NUDT4: variants seen among roughly 807,000 people sequenced by gnomAD.
NUDT4 encodes the protein diphosphoinositol polyphosphate phosphohydrolase 2.
A neutral mutation model predicts 23.1 loss-of-function variants in NUDT4; 5 were observed. The observed-to-expected ratio is 0.22, with a 90% CI of 0.11 to 0.46. The LOEUF (loss-of-function observed/expected upper bound fraction) is 0.46. Ranked by LOEUF, NUDT4 falls within the 20% of genes least tolerant of loss-of-function variation. The pLI is 0.99. For missense variants in NUDT4, 96 were observed against 211.6 expected (o/e 0.45, Z 3.39); for synonymous variants, 50 against 79.0 (o/e 0.63, Z 1.95).
At position 93,404,556 on chromosome 12, in the gene NUDT4, A is replaced by G. The variant is rs1877697505; in HGVS notation, c.*5177A>G. On this transcript the variant is annotated 3_prime_UTR_variant, in exon 5 of 5. Transcript: ENST00000415493. Reference sequence around the variant, plus strand: ...TGTAGGATTTATGAAACTGGTACCAATTTAATATTCAAATGTGATTAAGTC... The same window carrying G: ...TGTAGGATTTATGAAACTGGTACCAGTTTAATATTCAAATGTGATTAAGTC... 6.6e-6 allele frequency: 1 copy of G among 152,226 alleles called. No homozygotes were observed. The highest frequency in any genetic ancestry group is 2.1e-4 in the South Asian group (1 of 4,832). 9.4% of individuals were successfully genotyped at this position (152,226 alleles called of 1,614,324 possible).
intron 1 of NUDT4, among the ~76,000 whole-genome samples, chr12:93,391,650 T>C (rs1011638699): frequency 6.6e-6 from 1 of 151,626 alleles, no homozygotes; most frequent in African/African-American, 2.4e-5. Flanking sequence ...AGTGAGAGGA[T>C]CACTTGAGCC....
intron 3 of NUDT4, among the ~76,000 whole-genome samples, chr12:93,397,495 C>G (rs1877013708): frequency 6.6e-6 from 1 of 150,790 alleles, no homozygotes; most frequent in African/African-American, 2.4e-5. Flanking sequence ...AATTTTTAAC[C>G]CAGAAACAAG....
In NUDT4 at chr12:93,388,364, A is replaced by G. The variant is rs532669263; in HGVS notation, c.100-6245A>G. Among the ~76,000 whole-genome samples the G allele has an allele frequency of 4.6e-5, 7 of 152,320 alleles. No individual in the cohort carries two copies. In the East Asian group the frequency reaches 9.6e-4, roughly 21 times the overall value. On this transcript the variant is annotated intron_variant, in intron 1 of 4. Transcript: ENST00000415493. ...GAGCATTCTATGTGACTGTATTCCA[A>G]CCCCACCTCCAAGAATATAAGCTCT...
intron 1 of NUDT4, among the ~76,000 whole-genome samples, chr12:93,388,726 ATAAC>A (rs1490918026): frequency 6.6e-6 from 1 of 152,256 alleles, no homozygotes; most frequent in African/African-American, 2.4e-5. Flanking sequence ...AAGTGGATAA[ATAAC>A]TAACAGTTAC....
intron 1 of NUDT4, 200 bp downstream of exon 1, chr12:93,378,621 G>A: frequency 1.6e-6 from 2 of 1,224,540 alleles, no homozygotes; most frequent in South Asian, 3.3e-5. Context: ...AGACAAAGGG[G>A]GCTCGCCCAG....
chr12:93,378,832 T>G, intron 1 of NUDT4: 1 of 978,438 alleles, frequency 1.0e-6, no homozygotes, highest in Non-Finnish European at 1.2e-6. Context: ...TTTACATATT[T>G]TCCTTCCATG....
At chr12:93,388,929 G>T (rs118143122) in intron 1 of NUDT4, among the ~76,000 whole-genome samples, 15 of 152,296 alleles carry the variant, frequency 9.8e-5, no homozygotes, top group Non-Finnish European at 1.5e-4. Context: ...AGCATGAAAG[G>T]TTCAAAAGTA....
chr12:93,390,235 G>C (rs986255358), intron 1 of NUDT4, among the ~76,000 whole-genome samples: 1 of 152,152 alleles, frequency 6.6e-6, no homozygotes, highest in African/African-American at 2.4e-5. Flanking sequence ...TTTCATCTAG[G>C]CAATAGAAAC....
At chr12:93,393,728 A>G (rs1481597926) in intron 1 of NUDT4, among the ~76,000 whole-genome samples, 1 of 152,184 alleles carries the variant, frequency 6.6e-6, no homozygotes, top group Non-Finnish European at 1.5e-5. Context: ...AGAAGAATGA[A>G]GTGACTTTTG....
chr12:93,381,144 G>A (rs1290861509), intron 1 of NUDT4: 1 of 152,170 alleles, frequency 6.6e-6, no homozygotes, highest in Non-Finnish European at 1.5e-5. Context: ...ATCTTTTTCT[G>A]TTCTGTAGGG....
rs1344545955 is a variant in NUDT4, at chr12:93,406,423, T to C, written c.*7044T>C. The C allele has an allele frequency of 6.6e-6, 1 of 152,022 alleles. No individual in the cohort carries two copies. The highest frequency in any genetic ancestry group is 2.1e-4 in the South Asian group (1 of 4,820). The allele number at this position is 152,022 out of a possible 1,614,324, so 9.4% of individuals were successfully genotyped here. A position where few individuals can be genotyped will look rare whatever the true frequency, so the allele number is the denominator to read the frequency against. ...CTTTTAGGACAGATTTCCTTCCCCATTCTCCATCAAACAACCATAGCACCT... is the reference window on the plus strand; with the variant it reads ...CTTTTAGGACAGATTTCCTTCCCCACTCTCCATCAAACAACCATAGCACCT... On this transcript the variant is annotated 3_prime_UTR_variant, in exon 5 of 5. Transcript: ENST00000415493.
At chr12:93,389,584 C>T (rs1678426541) in intron 1 of NUDT4, among the ~76,000 whole-genome samples, 1 of 152,018 alleles carries the variant, frequency 6.6e-6, no homozygotes, top group Non-Finnish European at 1.5e-5. Flanking sequence ...ATGCTGATGT[C>T]TTGTAGATGC....
chr12:93,406,600 A>G lies in NUDT4; in HGVS notation c.*7221A>G, dbSNP rs1026867808. 2.6e-5 allele frequency: 4 copies of G among 152,258 alleles called. No homozygotes were observed. The highest frequency in any genetic ancestry group is 9.7e-5 in the African/African-American group (4 of 41,442). 9.4% of individuals were successfully genotyped at this position (152,258 alleles called of 1,614,324 possible). On this transcript the variant is annotated 3_prime_UTR_variant, in exon 5 of 5. Coordinates refer to ENST00000415493, the MANE Select transcript of NUDT4 (RefSeq NM_019094.6). ...CTTCCGTGGATTCAAACAACCAGACAAAATATTCCAAAAAACATTGTGTCT... is the reference window on the plus strand; with the variant it reads ...CTTCCGTGGATTCAAACAACCAGACGAAATATTCCAAAAAACATTGTGTCT...
intron 1 of NUDT4, among the ~76,000 whole-genome samples, chr12:93,382,950 T>TG (rs1287175736): frequency 2.6e-5 from 4 of 152,248 alleles, no homozygotes; most frequent in African/African-American, 7.2e-5. Context: ...CATGAGCCAC[T>TG]GCACCCGGCT....
chr12:93,395,072 C>G (rs1457681718), intron 2 of NUDT4, among the ~76,000 whole-genome samples: 2 of 152,112 alleles, frequency 1.3e-5, no homozygotes, highest in African/African-American at 4.8e-5. Context: ...TGGTCTCAAA[C>G]CCCTGACCTC....
At chr12:93,385,344 C>T (rs1875979203) in intron 1 of NUDT4, among the ~76,000 whole-genome samples, 1 of 152,196 alleles carries the variant, frequency 6.6e-6, no homozygotes, top group Non-Finnish European at 1.5e-5. Flanking sequence ...CCAGGTCTGG[C>T]TCTGCAACCT....
At chr12:93,396,336 G>A (rs542286821) in intron 3 of NUDT4, among the ~76,000 whole-genome samples, 207 of 152,186 alleles carry the variant, frequency 1.4e-3, no homozygotes, top group African/African-American at 3.4e-3. Context: ...ATTACTGAAG[G>A]CAGAATAGAA....
At chr12:93,383,465 T>A (rs913664676) in intron 1 of NUDT4, among the ~76,000 whole-genome samples, 19 of 138,060 alleles carry the variant, frequency 1.4e-4, no homozygotes, top group African/African-American at 4.6e-4. Context: ...TAGAATTAGG[T>A]TAACGTAGTT....
Position 93,399,223 on chromosome 12 carries a change from C to T in NUDT4, c.387C>T (p.Leu129=), listed in dbSNP as rs1488930431. 3 of 1,592,674 alleles carry T rather than the reference C, an allele frequency of 1.9e-6. No homozygotes were observed. The highest frequency in any genetic ancestry group is 2.6e-6 in the Non-Finnish European group (3 of 1,161,126). ...AAGTAGAAGATGCTATCAAAGTTCT[C>T]CAGTGTCATAAACCTGTACATGCAG... The part of the protein sequence containing the change: ...WFKVEDAIKV[L]QCHKPVHAEY... Residue 129 remains leucine (L), a synonymous_variant, in exon 5 of 5, where the codon CTC becomes CTT. Coordinates refer to ENST00000415493, the MANE Select transcript of NUDT4 (RefSeq NM_019094.6).
Sources: allele counts gnomAD v4.1 joint callset (sites outside exome capture counted in the v4.1 genomes callset), GRCh38; gene constraint gnomAD v4.1.1; transcripts MANE v1.5; gene names NCBI Gene and HGNC (gene_info 2026-07-23, HGNC 2026-07-21).